The following CFAP20DC variants were observed in gnomAD, a reference collection of about 807,000 sequenced individuals.
CFAP20DC encodes CFAP20 domain containing.
Under a neutral mutation model 101.7 loss-of-function variants are expected in CFAP20DC, and 84 were observed. The observed-to-expected ratio is 0.83, with a 90% CI of 0.69 to 0.99. The LOEUF (loss-of-function observed/expected upper bound fraction) is 0.99. CFAP20DC is among the 50% of genes least tolerant of loss of function. CFAP20DC has a pLI of 0.00. For synonymous variants in CFAP20DC, 359 were observed against 351.2 expected (o/e 1.02, Z -0.25); for missense variants, 1,007 against 970.3 (o/e 1.04, Z -0.50).
At chr3:59,042,887 G>C (rs150906737) in intron 3 of CFAP20DC, among the ~76,000 whole-genome samples, 1 of 152,244 alleles carries the variant, frequency 6.6e-6, no homozygotes, top group East Asian at 1.9e-4. Flanking sequence ...AGACCTTCCA[G>C]ATAGACTGAA....
At position 58,845,568 on chromosome 3, in the gene CFAP20DC, G is replaced by A. The variant is rs868322195; in HGVS notation, c.1971+3464C>T. ...TCCAGGACCAGATGGATTCACAGCC[G>A]AATTCTACCAGAGGTACAAGGAGGA... On this transcript the variant is annotated intron_variant, in intron 13 of 16. Transcript: ENST00000482387. 7.8e-4 allele frequency among the ~76,000 whole-genome samples: 118 copies of A among 152,012 alleles called. No homozygotes were observed. The Middle Eastern group carries it at 0.01, about 13-fold the overall frequency.
At chr3:59,010,329 G>C (rs2093553469) in intron 4 of CFAP20DC, among the ~76,000 whole-genome samples, 2 of 151,792 alleles carry the variant, frequency 1.3e-5, no homozygotes, top group African/African-American at 2.4e-5. Flanking sequence ...TAACACATAA[G>C]GACTCACATA....
chr3:58,831,339 T>G (rs532563341), intron 14 of CFAP20DC, among the ~76,000 whole-genome samples: 1 of 152,358 alleles, frequency 6.6e-6, no homozygotes, highest in African/African-American at 2.4e-5. Flanking sequence ...CATAAATACT[T>G]ATTTAACAAA....
intron 6 of CFAP20DC, among the ~76,000 whole-genome samples, chr3:58,889,193 G>A (rs1305585990): frequency 1.3e-5 from 2 of 151,952 alleles, no homozygotes; most frequent in African/African-American, 4.8e-5. Flanking sequence ...ACATTTCAAG[G>A]GCCGACTAGA....
chr3:58,827,333 G>A (rs1252569652), intron 14 of CFAP20DC, among the ~76,000 whole-genome samples: 1 of 150,594 alleles, frequency 6.6e-6, no homozygotes, highest in Non-Finnish European at 1.5e-5. Context: ...GATGAGCATG[G>A]CCTGATCTGA....
chr3:59,036,079 C>A (rs1301883582), intron 4 of CFAP20DC, among the ~76,000 whole-genome samples: 1 of 152,148 alleles, frequency 6.6e-6, no homozygotes, highest in Non-Finnish European at 1.5e-5. Flanking sequence ...GCAGAAAAGG[C>A]CTTCGATAAA....
chr3:59,030,806 T>G (rs947867787), intron 4 of CFAP20DC, among the ~76,000 whole-genome samples: 12 of 151,310 alleles, frequency 7.9e-5, no homozygotes, highest in South Asian at 4.2e-4. Flanking sequence ...AAGCTTTAAG[T>G]TTTTTTTTGT....
At position 59,007,787 on chromosome 3, in the gene CFAP20DC, T is replaced by G. The variant is rs2093472405; in HGVS notation, c.278+31770A>C. Among the ~76,000 whole-genome samples, 1 of 152,108 alleles carries G rather than the reference T, an allele frequency of 6.6e-6. No individual in the cohort carries two copies. Among genetic ancestry groups the G allele is most frequent in the African/African-American group, 2.4e-5 (1 of 41,410 alleles). ...AGTAACAATCACTGAAGTACAGCTC[T>G]CAGGAAGCCTCATCCCTAGGGGAAG... On this transcript the variant is annotated intron_variant, in intron 4 of 16. Coordinates refer to ENST00000482387, the MANE Select transcript of CFAP20DC (RefSeq NM_001394063.1). The surrounding 1 kb of genome is among the most constrained non-coding windows in gnomAD (Gnocchi z 4.4).
chr3:58,837,151 A>T (rs2076794007), intron 13 of CFAP20DC, among the ~76,000 whole-genome samples: 1 of 152,186 alleles, frequency 6.6e-6, no homozygotes, highest in Non-Finnish European at 1.5e-5. Context: ...AAGGATAAGA[A>T]TGCCTGTAAT....
chr3:58,917,526 A>G (rs568185658), intron 5 of CFAP20DC, among the ~76,000 whole-genome samples: 1 of 152,288 alleles, frequency 6.6e-6, no homozygotes, highest in Non-Finnish European at 1.5e-5. Flanking sequence ...TGGCAATCCT[A>G]AAGTACATCT....
intron 6 of CFAP20DC, among the ~76,000 whole-genome samples, chr3:58,909,795 C>T (rs1194602121): frequency 6.6e-6 from 1 of 152,044 alleles, no homozygotes; most frequent in African/African-American, 2.4e-5. Flanking sequence ...TAAACATGTG[C>T]CATGGTGGTT....
At chr3:58,927,616 T>C (rs1232221184) in intron 5 of CFAP20DC, among the ~76,000 whole-genome samples, 1 of 152,254 alleles carries the variant, frequency 6.6e-6, no homozygotes, top group Non-Finnish European at 1.5e-5. Context: ...TGAAATTTCC[T>C]GATTTATAAG....
chr3:58,823,471 T>G (rs1293590787), intron 14 of CFAP20DC, among the ~76,000 whole-genome samples: 1 of 152,124 alleles, frequency 6.6e-6, no homozygotes, highest in Non-Finnish European at 1.5e-5. Flanking sequence ...TGACATTTAT[T>G]GAGTACTTAT....
chr3:58,957,877 T>C (rs141286499), intron 4 of CFAP20DC, among the ~76,000 whole-genome samples: 4 of 152,036 alleles, frequency 2.6e-5, no homozygotes, highest in Non-Finnish European at 4.4e-5. Context: ...GGTGAGGACA[T>C]GGGAATGGTT....
intron 12 of CFAP20DC, among the ~76,000 whole-genome samples, chr3:58,856,099 A>C (rs2078778046): frequency 6.6e-6 from 1 of 152,058 alleles, no homozygotes; most frequent in East Asian, 1.9e-4. Flanking sequence ...TAAAGGAGTA[A>C]ATTAAAATAA....
rs1459610764 is a variant in CFAP20DC, at chr3:58,864,074, TG to T, written c.1259-183del. On this transcript the variant is annotated intron_variant, in intron 11 of 16. Transcript: ENST00000482387. The surrounding 1 kb of genome is among the most constrained non-coding windows in gnomAD (Gnocchi z 4.7). ...CCAACCTTCAAGTGATTCTCCTGCC[TG>T]AGCCTCCTGAGTAGGTGGGATTACA... is the stretch of plus-strand genomic sequence containing the variant. Among the ~76,000 whole-genome samples the T allele has an allele frequency of 7.2e-5, 11 of 152,186 alleles. No homozygotes were observed. The highest frequency in any genetic ancestry group is 7.2e-4 in the Admixed American group (11 of 15,276).
intron 7 of CFAP20DC, among the ~76,000 whole-genome samples, chr3:58,883,221 C>T (rs1333535309): frequency 1.3e-5 from 2 of 152,190 alleles, no homozygotes; most frequent in Non-Finnish European, 1.5e-5. Flanking sequence ...GCTCTCAGGG[C>T]CATTGCTTTC....
At chr3:58,802,406 G>A (rs535425217) in intron 15 of CFAP20DC, among the ~76,000 whole-genome samples, 28 of 152,344 alleles carry the variant, frequency 1.8e-4, no homozygotes, top group Non-Finnish European at 3.8e-4. Context: ...GTGAGATTAT[G>A]TTAGCCATTT....
In CFAP20DC at chr3:58,993,221, T is replaced by A. The variant is rs533981776; in HGVS notation, c.278+46336A>T. 2.4e-4 allele frequency among the ~76,000 whole-genome samples: 36 copies of A among 152,326 alleles called. No individual in the cohort carries two copies. The South Asian group carries it at 7.5e-3, about 32-fold the overall frequency. The stretch of plus-strand genomic sequence containing the variant: ...ATTTTTAATAGAATGCTTCCTAAAA[T>A]GCAGTACATATTTCTTTTTTTTGTA... On this transcript the variant is annotated intron_variant, in intron 4 of 16. Coordinates refer to ENST00000482387, the MANE Select transcript of CFAP20DC (RefSeq NM_001394063.1).
Sources: gnomAD v4.1 joint callset for allele counts (sites outside exome capture counted in the v4.1 genomes callset) on GRCh38, gnomAD v4.1.1 for gene constraint, Gnocchi (gnomAD v3.1) non-coding constraint, MANE v1.5 for transcripts, NCBI Gene and HGNC (gene_info 2026-07-23, HGNC 2026-07-21) for gene names.